Variants in VBP1 observed in about 807,000 individuals in gnomAD.
VBP1 encodes prefoldin subunit 3.
A neutral mutation model predicts 15.5 loss-of-function variants in VBP1; 4 were observed. The observed-to-expected ratio is 0.26, with a 90% CI of 0.13 to 0.59. The LOEUF is 0.59. Among genes scored for constraint, VBP1 ranks in the 20% least tolerant of loss-of-function variants. The pLI is 0.90. For missense variants in VBP1, 108 were observed against 139.6 expected, an observed-to-expected ratio of 0.77 and a Z score of 1.14; for synonymous variants, 61 against 52.1, an observed-to-expected ratio of 1.17 and a Z score of -0.74.
chrX:155,217,344 A>T (rs931516006), intron 1 of VBP1, among the ~76,000 whole-genome samples: 3 of 112,093 alleles, frequency 2.7e-5, no homozygotes, highest in Non-Finnish European at 5.6e-5. Flanking sequence ...CTTTTTAAAA[A>T]TTTTATTTTA....
chrX:155,214,806 A>G (rs1267041141), upstream of VBP1, among the ~76,000 whole-genome samples: 1 of 94,523 alleles, frequency 1.1e-5, no homozygotes, highest in Non-Finnish European at 2.1e-5. Context: ...ATGACCACCT[A>G]TAGAGTTGAT....
chrX:155,236,013 G>A (rs962010349), intron 4 of VBP1, among the ~76,000 whole-genome samples: 30 of 112,101 alleles, frequency 2.7e-4, no homozygotes, highest in African/African-American at 8.4e-4. Flanking sequence ...AATATTTTTG[G>A]TTTTGTAGAT....
upstream of VBP1, among the ~76,000 whole-genome samples, chrX:155,215,614 G>A (rs2074659723): frequency 8.9e-6 from 1 of 112,475 alleles, no homozygotes; most frequent in African/African-American, 3.2e-5. Flanking sequence ...TTGCCTCTGA[G>A]AAGAGAGACT....
chrX:155,217,183 C>T (rs1297606251), intron 1 of VBP1, among the ~76,000 whole-genome samples: 1 of 111,235 alleles, frequency 9.0e-6, no homozygotes, highest in Non-Finnish European at 1.9e-5. Flanking sequence ...TTCGTTTTAA[C>T]TACATCATTC....
At chrX:155,221,385 C>CA (rs2074688857) in intron 2 of VBP1, among the ~76,000 whole-genome samples, 2 of 110,612 alleles carry the variant, frequency 1.8e-5, no homozygotes, top group Admixed American at 1.9e-4. Flanking sequence ...TCTGTGGTCA[C>CA]AGCTCCTCTA....
upstream of VBP1, among the ~76,000 whole-genome samples, chrX:155,214,748 G>GT (rs57129959): frequency 5.2e-3 from 66 of 12,654 alleles, no homozygotes; most frequent in East Asian, 0.098. Flanking sequence ...CAAGAGGAAG[G>GT]TTTTTTTTTT....
upstream of VBP1, chrX:155,213,124 A>T (rs1257357498): frequency 8.9e-6 from 1 of 111,947 alleles, no homozygotes; most frequent in African/African-American, 3.3e-5. Flanking sequence ...GCACTATCAC[A>T]GTTGAGTGCC....
chrX:155,231,953 G>C (rs1159801684), intron 4 of VBP1, among the ~76,000 whole-genome samples: 1 of 111,815 alleles, frequency 8.9e-6, no homozygotes, highest in Non-Finnish European at 1.9e-5. Flanking sequence ...CTTTGAAATG[G>C]AATTGTTGTG....
chrX:155,204,902 T>C (rs1157988345), intron 1 of VBP1, among the ~76,000 whole-genome samples: 1 of 112,066 alleles, frequency 8.9e-6, no homozygotes, highest in African/African-American at 3.2e-5. Context: ...CATTTTGCTG[T>C]TTGGGATCAC....
chrX:155,232,939 G>C (rs1214907789), intron 4 of VBP1, among the ~76,000 whole-genome samples: 9 of 112,690 alleles, frequency 8.0e-5, no homozygotes, highest in African/African-American at 2.9e-4. Context: ...GTTCATCATA[G>C]TCGAATGGAT....
intron 1 of VBP1, among the ~76,000 whole-genome samples, chrX:155,207,647 T>C (rs782730422): frequency 9.0e-6 from 1 of 111,728 alleles, no homozygotes; most frequent in South Asian, 3.8e-4. Flanking sequence ...ACTTAAATGT[T>C]ACTATCAACT....
At chrX:155,215,096 A>C (rs1222101356), upstream of VBP1, among the ~76,000 whole-genome samples, 2 of 111,513 alleles carry the variant, frequency 1.8e-5, no homozygotes, top group Non-Finnish European at 3.8e-5. Context: ...ATATTTCCTA[A>C]AGTTTGAAGT....
At position 155,228,379 on chromosome X, in the gene VBP1, TGAAG is replaced by T; in HGVS notation, c.286-2_287del. The T allele has an allele frequency of 3.3e-6, 4 of 1,201,306 alleles. No homozygotes were observed. The highest frequency in any genetic ancestry group is 4.5e-5 in the Admixed American group (2 of 44,442). On this transcript the variant is annotated splice_acceptor_variant and splice_polypyrimidine_tract_variant and intron_variant, in intron 3 of 5. Coordinates refer to ENST00000286428, the MANE Select transcript of VBP1 (RefSeq NM_003372.7). LOFTEE classifies it high-confidence loss of function. ...GGTACTGTCATTTTTTTTTTTGTTTTGAAGGAGTCCACCAACTCAATGGAGACCA... is the reference window on the plus strand; with the variant it reads ...GGTACTGTCATTTTTTTTTTTGTTTTGAGTCCACCAACTCAATGGAGACCA...
chrX:155,234,248 G>A (rs1019047948), intron 4 of VBP1, among the ~76,000 whole-genome samples: 3 of 106,406 alleles, frequency 2.8e-5, no homozygotes, highest in Non-Finnish European at 5.8e-5. Flanking sequence ...AGCCTCCTGA[G>A]TAGCTGGGAT....
chrX:155,200,254 C>T (rs1169254293), intron 1 of VBP1, among the ~76,000 whole-genome samples: 5 of 106,475 alleles, frequency 4.7e-5, no homozygotes, highest in East Asian at 2.9e-4. Context: ...CTGCACCAAG[C>T]GGACCTAATA....
Position 155,238,925 on chromosome X carries a change from GA to G in VBP1, c.*85del. 1.4e-6 allele frequency: 1 copy of G among 732,622 alleles called. No homozygotes were observed. The highest frequency in any genetic ancestry group is 1.9e-6 in the Non-Finnish European group (1 of 524,396). 60.4% of individuals were successfully genotyped at this position (732,622 alleles called of 1,213,427 possible). A position where few individuals can be genotyped will look rare whatever the true frequency, so the allele number is the denominator to read the frequency against. On this transcript the variant is annotated 3_prime_UTR_variant, in exon 6 of 6. Coordinates refer to ENST00000286428, the MANE Select transcript of VBP1 (RefSeq NM_003372.7). The stretch of plus-strand genomic sequence containing the variant: ...TATCCTTACAGGTTGACATAACTTT[GA>G]ATGTTTTAACAGCAAGAATTTTAAG...
At chrX:155,201,152 T>C (rs1250830739) in intron 1 of VBP1, among the ~76,000 whole-genome samples, 2 of 110,084 alleles carry the variant, frequency 1.8e-5, no homozygotes, top group Non-Finnish European at 3.8e-5. Flanking sequence ...CAGGACCAGA[T>C]GGATTCACAG....
rs1430298168 is a variant in VBP1 at position 155,216,497 on chromosome X, G to A, written c.15G>A (p.Lys5=). The A allele has an allele frequency of 2.6e-6, 3 of 1,168,807 alleles. No individual in the cohort carries two copies. The highest frequency in any genetic ancestry group is 1.8e-5 in the African/African-American group (1 of 56,053). Residue 5 remains lysine (K), a synonymous_variant, in exon 1 of 6, where the codon AAG becomes AAA. Coordinates refer to ENST00000286428, the MANE Select transcript of VBP1 (RefSeq NM_003372.7). ...GCATCCCCAAGATGGCGGCCGTTAA[G>A]GACAGTTGTGGCAAAGGAGAAATGG... MAAV[K]DSCGKGEMAT... is the part of the protein sequence containing the mutation.
At chrX:155,202,574 G>C (rs1368097695) in intron 1 of VBP1, among the ~76,000 whole-genome samples, 1 of 108,695 alleles carries the variant, frequency 9.2e-6, no homozygotes, top group East Asian at 2.8e-4. Context: ...GCTGAAACTG[G>C]ATCCCTTCCT....
Sources: gnomAD v4.1 joint callset for allele counts (sites outside exome capture counted in the v4.1 genomes callset) on GRCh38, gnomAD v4.1.1 for gene constraint, MANE v1.5 for transcripts, NCBI Gene and HGNC (gene_info 2026-07-23, HGNC 2026-07-21) for gene names.